The following UBR1 variants were observed in gnomAD, a reference collection of about 807,000 sequenced individuals.
The protein encoded by UBR1 is ubiquitin protein ligase E3 component n-recognin 1, also known as E3 ubiquitin-protein ligase UBR1.
UBR1 carries 102 observed loss-of-function variants against 242.1 expected under a neutral mutation model. That is an observed-to-expected ratio of 0.42 (90% CI 0.36 to 0.50). UBR1 has a LOEUF of 0.50. Among genes scored for constraint, UBR1 ranks in the 20% least tolerant of loss-of-function variants. UBR1 has a pLI of 0.01. For missense variants in UBR1, 1,772 were observed against 2,101.8 expected (o/e 0.84, Z 3.07); for synonymous variants, 675 against 684.8 (o/e 0.99, Z 0.22).
chr15:42,976,887 A>G lies in UBR1; in HGVS notation c.4219-20T>C, dbSNP rs2032298878. 6.2e-7 allele frequency: 1 copy of G among 1,611,418 alleles called. No homozygotes were observed. The highest frequency in any genetic ancestry group is 1.7e-5 in the Admixed American group (1 of 59,832). ...ACCCACCTATGAGAGAAAAATGGAC[A>G]TCAATATGGCTAATGATAAAAGACT... On this transcript the variant is annotated intron_variant, in intron 38 of 46. Coordinates refer to ENST00000290650, the MANE Select transcript of UBR1 (RefSeq NM_174916.3).
intron 32 of UBR1, among the ~76,000 whole-genome samples, chr15:43,001,112 C>A (rs921855073): frequency 1.3e-5 from 2 of 150,280 alleles, no homozygotes; most frequent in South Asian, 2.1e-4. Context: ...GGGATTCAGG[C>A]GTGAGGCACT....
chr15:42,961,571 C>T (rs750919208), intron 42 of UBR1, among the ~76,000 whole-genome samples: 5 of 151,594 alleles, frequency 3.3e-5, no homozygotes, highest in Non-Finnish European at 4.4e-5. Flanking sequence ...TACAGGCATG[C>T]GCCACCACGC....
At chr15:43,060,253 T>C in intron 6 of UBR1, 139 bp from the exon 7 acceptor site, 1 of 825,912 alleles carries the variant, frequency 1.2e-6, no homozygotes, top group Non-Finnish European at 2.1e-6. Flanking sequence ...ACCGGAACAA[T>C]ATCTGAAAGA....
intron 5 of UBR1, 53 bp from the exon 6 acceptor site, chr15:43,068,089 T>TAAAAAAAAAAAAAAAAAAGAA: frequency 1.3e-6 from 1 of 787,320 alleles, no homozygotes; most frequent in Non-Finnish European, 1.7e-6. Flanking sequence ...AAAGGAAAAG[T>TAAAAAAAAAAAAAAAAAAGAA]AAAAAAAAAA....
At chr15:42,969,681 A>G (rs2032170645) in intron 40 of UBR1, among the ~76,000 whole-genome samples, 1 of 152,214 alleles carries the variant, frequency 6.6e-6, no homozygotes, top group South Asian at 2.1e-4. Flanking sequence ...TGCAAAAATC[A>G]CAAGCATCCC....
At position 43,022,728 on chromosome 15, in the gene UBR1, G is replaced by A. The variant is rs755788395; in HGVS notation, c.2813C>T (p.Thr938Ile). 6.8e-6 allele frequency: 11 copies of A among 1,611,972 alleles called. No individual in the cohort carries two copies. Among genetic ancestry groups the A allele is most frequent in the Admixed American group, 1.7e-5 (1 of 59,978 alleles). Residue 938 changes from threonine (T) to isoleucine (I), a missense_variant, in exon 26 of 47, where the codon ACA becomes ATA. Thr to Ile is a moderately conservative substitution (Grantham distance 89, BLOSUM62 -1). Transcript: ENST00000290650. ...QLQKAPEEEV[T>I]FDFYHKASRL... The stretch of plus-strand genomic sequence containing the variant: ...TGAAGCCTTATGATAAAAGTCAAAT[G>A]TTACTTCTTCTTCAGGAGCTTTTTG...
Position 42,988,592 on chromosome 15 carries a change from A to AT in UBR1, c.3997+226dup, listed in dbSNP as rs982894894. 2.1e-4 allele frequency: 119 copies of AT among 566,834 alleles called. 1 individual carries two copies. The highest frequency in any genetic ancestry group is 1.8e-3 in the South Asian group (84 of 47,460). The allele number at this position is 566,834 out of a possible 1,614,324, so 35.1% of individuals were successfully genotyped here. ...CCACCGTGCCCAGCTTTTTAAAAATATTTTTTTTAACTTATGTTGCATATG... is the reference window on the plus strand; with the variant it reads ...CCACCGTGCCCAGCTTTTTAAAAATATTTTTTTTTAACTTATGTTGCATATG... On this transcript the variant is annotated intron_variant, in intron 35 of 46. Coordinates refer to ENST00000290650, the MANE Select transcript of UBR1 (RefSeq NM_174916.3).
chr15:43,091,063 C>G (rs1310056327), intron 1 of UBR1, among the ~76,000 whole-genome samples: 1 of 152,106 alleles, frequency 6.6e-6, no homozygotes, highest in Non-Finnish European at 1.5e-5. Flanking sequence ...CTCAGCCACC[C>G]GAGTAGCTAG....
At chr15:43,105,005 G>A (rs1177247786) in intron 1 of UBR1, among the ~76,000 whole-genome samples, 1 of 152,026 alleles carries the variant, frequency 6.6e-6, no homozygotes, top group Non-Finnish European at 1.5e-5. Flanking sequence ...TTCAGCCTGG[G>A]CAACAAGAGC....
chr15:43,015,192 G>A (rs1254980085), intron 29 of UBR1, among the ~76,000 whole-genome samples: 1 of 152,250 alleles, frequency 6.6e-6, no homozygotes, highest in African/African-American at 2.4e-5. Flanking sequence ...TGGTTTTGTG[G>A]AACAGAAAAG....
intron 21 of UBR1, among the ~76,000 whole-genome samples, chr15:43,028,816 C>T (rs1313550404): frequency 6.7e-6 from 1 of 149,318 alleles, no homozygotes; most frequent in Non-Finnish European, 1.5e-5. Context: ...GGATGCAGTA[C>T]ATCACACCTG....
intron 33 of UBR1, among the ~76,000 whole-genome samples, chr15:42,993,514 C>T (rs894177809): frequency 2.0e-5 from 3 of 151,922 alleles, no homozygotes; most frequent in Admixed American, 1.3e-4. Flanking sequence ...ATTACAGGCG[C>T]GGGCCACCAA....
At chr15:42,984,363 C>T (rs1012087384) in intron 36 of UBR1, among the ~76,000 whole-genome samples, 1 of 152,170 alleles carries the variant, frequency 6.6e-6, no homozygotes, top group Admixed American at 6.6e-5. Context: ...CTCAATTACC[C>T]CTTTTGTCTT....
At chr15:43,067,405 T>C (rs184683721) in intron 6 of UBR1, among the ~76,000 whole-genome samples, 20 of 152,316 alleles carry the variant, frequency 1.3e-4, no homozygotes, top group Middle Eastern at 3.4e-3. Context: ...TTACTCTAGA[T>C]TATACTGCAC....
Position 43,007,252 on chromosome 15 carries a change from G to A in UBR1, c.3242C>T (p.Ala1081Val), listed in dbSNP as rs1341572923. ...AGATGGACCCCGTTTAGGACCCAAA[G>A]CAATTCTAGAGTAGTCACTGACTGC... ...TPAVSDYSRI[A>V]LGPKRGPSVT... Residue 1081 changes from alanine to valine, a missense_variant, in exon 30 of 47, where the codon GCT becomes GTT. By Grantham distance (64) the Ala-to-Val change is moderately conservative. This residue lies in a region of UBR1 where 965 missense variants were observed against 1,079.7 expected (regional missense o/e 0.89). Coordinates refer to ENST00000290650, the MANE Select transcript of UBR1 (RefSeq NM_174916.3). The A allele has an allele frequency of 1.2e-6, 2 of 1,613,984 alleles. No homozygotes were observed. The highest frequency in any genetic ancestry group is 2.7e-5 in the African/African-American group (2 of 74,876).
At position 42,963,960 on chromosome 15, in the gene UBR1, C is replaced by A; in HGVS notation, c.4675G>T (p.Asp1559Tyr). The A allele has an allele frequency of 6.2e-7, 1 of 1,612,958 alleles. No homozygotes were observed. The highest frequency in any genetic ancestry group is 8.5e-7 in the Non-Finnish European group (1 of 1,179,122). The part of the protein sequence containing the change: ...NLFLLFQEYW[D>Y]TVRPLLQRWC... ...CTCTGGAGCAAGGGCCTTACAGTAT[C>A]CCAATATTCCTGGAAGAGCAGGAAC... is the stretch of plus-strand genomic sequence containing the variant. Residue 1559 changes from aspartate (D) to tyrosine (Y), a missense_variant, in exon 42 of 47, where the codon GAT (aspartate) becomes TAT (tyrosine). Transcript: ENST00000290650.
chr15:42,970,642 T>C, intron 39 of UBR1, 35 bp from the exon 40 acceptor site: 1 of 1,570,102 alleles, frequency 6.4e-7, no homozygotes, highest in Non-Finnish European at 8.8e-7. Flanking sequence ...AATTATGTAT[T>C]TGCTATTCAG....
At chr15:43,032,741 G>GCCTAGTATTTTTCA in intron 19 of UBR1, 110 bp from the exon 20 acceptor site, 2 of 698,830 alleles carry the variant, frequency 2.9e-6, no homozygotes, top group Non-Finnish European at 4.8e-6. Flanking sequence ...TTTTCATCCA[G>GCCTAGTATTTTTCA]TCCAGTATTT....
At chr15:43,072,939 A>C (rs540611018) in intron 4 of UBR1, among the ~76,000 whole-genome samples, 16 of 152,202 alleles carry the variant, frequency 1.1e-4, no homozygotes, top group African/African-American at 3.9e-4. Flanking sequence ...GAGGCAGATG[A>C]ATCACTTGAA....
Sources: allele counts gnomAD v4.1 joint callset (sites outside exome capture counted in the v4.1 genomes callset), GRCh38; gene constraint gnomAD v4.1.1; regional missense constraint gnomAD v4.1.1; transcripts MANE v1.5; gene names NCBI Gene and HGNC (gene_info 2026-07-23, HGNC 2026-07-21).